Variants in TEX9 observed in about 807,000 individuals in gnomAD.
The protein encoded by TEX9 is testis-expressed protein 9.
Under a neutral mutation model 59.6 loss-of-function variants are expected in TEX9, and 74 were observed. That is an observed-to-expected ratio of 1.24 (90% confidence interval 1.03 to 1.51). The LOEUF (loss-of-function observed/expected upper bound fraction) is 1.51. Ranked by LOEUF, TEX9 falls within the 40% of genes most tolerant of loss-of-function variation. The probability of loss-of-function intolerance (pLI) is 0.00; values close to 1 mark genes in which losing one functional copy is unlikely to be tolerated. For synonymous variants in TEX9, 186 were observed against 152.2 expected, an observed-to-expected ratio of 1.22 and a Z score of -1.64; for missense variants, 522 against 447.8, an observed-to-expected ratio of 1.17 and a Z score of -1.49.
chr15:56,437,555 C>G (rs1287774276), intron 12 of TEX9, among the ~76,000 whole-genome samples: 1 of 152,108 alleles, frequency 6.6e-6, no homozygotes. Flanking sequence ...AAAACTGGCA[C>G]AAGACAGGGA....
chr15:56,315,059 G>C (rs2045720592), intron 1 of TEX9, among the ~76,000 whole-genome samples: 1 of 151,072 alleles, frequency 6.6e-6, no homozygotes, highest in Non-Finnish European at 1.5e-5. Flanking sequence ...CATGTGAGAT[G>C]GGTTTCCTGA....
At chr15:56,393,354 A>C (rs1846018072) in intron 7 of TEX9, among the ~76,000 whole-genome samples, 1 of 152,166 alleles carries the variant, frequency 6.6e-6, no homozygotes, top group Admixed American at 6.5e-5. Flanking sequence ...CACTGAGGGC[A>C]CTTAAAAAAG....
At chr15:56,333,414 A>C (rs184007165) in intron 1 of TEX9, among the ~76,000 whole-genome samples, 6 of 152,010 alleles carry the variant, frequency 3.9e-5, no homozygotes, top group African/African-American at 9.6e-5. Context: ...AGGAAAAAAA[A>C]CCATATGATA....
At chr15:56,447,060 AT>A, downstream of TEX9, 1 of 674,156 alleles carries the variant, frequency 1.5e-6, no homozygotes, top group Non-Finnish European at 2.5e-6. Context: ...AGCGGGTATT[AT>A]TTTAGATCCA....
intron 1 of TEX9, among the ~76,000 whole-genome samples, chr15:56,345,470 T>G (rs1439878094): frequency 6.6e-6 from 1 of 152,120 alleles, no homozygotes; most frequent in South Asian, 2.1e-4. Flanking sequence ...TTTTCCCCCC[T>G]AAGAGATGGG....
intron 9 of TEX9, among the ~76,000 whole-genome samples, chr15:56,407,083 TTGTGTG>T (rs141670179): frequency 6.6e-6 from 1 of 150,698 alleles, no homozygotes; most frequent in Admixed American, 6.6e-5. Context: ...GTTATAGTGT[TTGTGTG>T]TGTGTGTGTG....
chr15:56,284,040 A>G (rs1191072324), intron 1 of TEX9, among the ~76,000 whole-genome samples: 1 of 152,256 alleles, frequency 6.6e-6, no homozygotes, highest in African/African-American at 2.4e-5. Context: ...ATTATTAATG[A>G]GACTTCATTC....
At chr15:56,381,366 G>A (rs1486771862) in intron 3 of TEX9, among the ~76,000 whole-genome samples, 1 of 152,094 alleles carries the variant, frequency 6.6e-6, no homozygotes, top group African/African-American at 2.4e-5. Context: ...CTGTCTGAAA[G>A]GTCACATGTC....
upstream of TEX9, among the ~76,000 whole-genome samples, chr15:56,364,370 C>T (rs1340520271): frequency 6.6e-6 from 1 of 151,208 alleles, no homozygotes; most frequent in Non-Finnish European, 1.5e-5. Context: ...TCAGGCTGGT[C>T]TTGAACTCCC....
At chr15:56,428,066 C>T (rs566614713) in intron 11 of TEX9, among the ~76,000 whole-genome samples, 15 of 152,202 alleles carry the variant, frequency 9.9e-5, no homozygotes, top group African/African-American at 3.1e-4. Flanking sequence ...GAGCGAACAT[C>T]ACTTCCAAAC....
intron 1 of TEX9, among the ~76,000 whole-genome samples, chr15:56,266,046 C>A (rs1457157461): frequency 6.6e-6 from 1 of 152,094 alleles, no homozygotes; most frequent in Non-Finnish European, 1.5e-5. Context: ...TTCCTATATT[C>A]TGCAAATCTT....
At chr15:56,273,748 T>G (rs1475160646) in intron 1 of TEX9, among the ~76,000 whole-genome samples, 2 of 152,228 alleles carry the variant, frequency 1.3e-5, no homozygotes, top group Non-Finnish European at 2.9e-5. Context: ...TTTAAATATT[T>G]CTTTCCATTC....
intron 1 of TEX9, among the ~76,000 whole-genome samples, chr15:56,347,601 T>C (rs1203036033): frequency 6.6e-6 from 1 of 152,030 alleles, no homozygotes; most frequent in Non-Finnish European, 1.5e-5. Context: ...TTCCATACCT[T>C]TTACAAAAGT....
chr15:56,382,216 G>A (rs1023472323), intron 3 of TEX9, among the ~76,000 whole-genome samples: 2 of 152,090 alleles, frequency 1.3e-5, no homozygotes, highest in South Asian at 2.1e-4. Context: ...CAGTCAGGTC[G>A]TGGTGAATGT....
At chr15:56,428,022 A>C (rs1379667995) in intron 11 of TEX9, among the ~76,000 whole-genome samples, 1 of 152,102 alleles carries the variant, frequency 6.6e-6, no homozygotes, top group Non-Finnish European at 1.5e-5. Context: ...TTAAAGAATG[A>C]CTATTAGGGG....
At chr15:56,338,090 G>A (rs971215133) in intron 1 of TEX9, among the ~76,000 whole-genome samples, 23 of 152,284 alleles carry the variant, frequency 1.5e-4, no homozygotes, top group Admixed American at 1.1e-3. Context: ...CAAGGAATCT[G>A]AAATGACCAG....
At chr15:56,428,463 T>A in exon 12 of TEX9, 1 of 1,567,148 alleles carries the variant, frequency 6.4e-7, no homozygotes, top group Non-Finnish European at 8.8e-7. Flanking sequence ...CTTCAGTTAG[T>A]CTCTATGACA....
intron 1 of TEX9, among the ~76,000 whole-genome samples, chr15:56,258,133 G>A (rs1022194562): frequency 1.1e-4 from 17 of 152,054 alleles, no homozygotes; most frequent in African/African-American, 4.1e-4. Context: ...GTTCTACTCT[G>A]TTCCACTGGT....
intron 1 of TEX9, among the ~76,000 whole-genome samples, chr15:56,296,688 G>A (rs1324151750): frequency 6.6e-6 from 1 of 152,154 alleles, no homozygotes; most frequent in Non-Finnish European, 1.5e-5. Flanking sequence ...ATTTATATTT[G>A]TCTTTGGAAT....
Sources: gnomAD v4.1 joint callset for allele counts (sites outside exome capture counted in the v4.1 genomes callset) on GRCh38, gnomAD v4.1.1 for gene constraint, MANE v1.5 for transcripts, NCBI Gene and HGNC (gene_info 2026-07-23, HGNC 2026-07-21) for gene names.